The following CTCF variants were observed in gnomAD, a reference collection of about 807,000 sequenced individuals.
CTCF encodes CCCTC-binding factor.
A neutral mutation model predicts 72.3 loss-of-function variants in CTCF; 7 were observed. The ratio of observed to expected loss-of-function variants is 0.10; its 90% CI spans 0.06 to 0.18. CTCF has a LOEUF of 0.18. Among genes scored for constraint, CTCF ranks in the 10% least tolerant of loss-of-function variants. The pLI is 1.00. For missense variants in CTCF, 516 were observed against 949.1 expected (o/e 0.54, Z 6.00); for synonymous variants, 374 against 315.8 (o/e 1.18, Z -1.95).
chr16:67,579,651 C>G (rs957442290), intron 2 of CTCF, among the ~76,000 whole-genome samples: 1 of 152,184 alleles, frequency 6.6e-6, no homozygotes, highest in Non-Finnish European at 1.5e-5. Context: ...CCCAGGCTTC[C>G]TGAAGTGCTG....
chr16:67,605,889 A>G (rs981343145), intron 2 of CTCF, among the ~76,000 whole-genome samples: 7 of 152,188 alleles, frequency 4.6e-5, no homozygotes, highest in Non-Finnish European at 8.8e-5. Context: ...GGAGAGTGCT[A>G]GAGGGCAAGA....
In CTCF at chr16:67,590,901, C is replaced by G. The variant is rs568561105; in HGVS notation, c.-10+19637C>G. Among the ~76,000 whole-genome samples the G allele has an allele frequency of 2.2e-4, 30 of 138,728 alleles. 1 individual carries two copies. The Admixed American group carries it at 2.3e-3, about 10-fold the overall frequency. The allele number at this position is 138,728 out of a possible 152,430, so 91.0% of individuals were successfully genotyped here. A position where few individuals can be genotyped will look rare whatever the true frequency, so the allele number is the denominator to read the frequency against. On this transcript the variant is annotated intron_variant, in intron 2 of 11. Coordinates refer to ENST00000264010, the MANE Select transcript of CTCF (RefSeq NM_006565.4). ...GCTTGAACCCGGGAGGTGGAGGTTGCAGTAAGCTGAGATGGCACCATTGCA... is the reference window on the plus strand; with the variant it reads ...GCTTGAACCCGGGAGGTGGAGGTTGGAGTAAGCTGAGATGGCACCATTGCA...
intron 2 of CTCF, among the ~76,000 whole-genome samples, chr16:67,600,787 G>T (rs764193756): frequency 6.6e-6 from 1 of 152,012 alleles, no homozygotes; most frequent in Non-Finnish European, 1.5e-5. Flanking sequence ...CTGAATAGCT[G>T]AGAAAACAGC....
At chr16:67,593,916 A>T (rs2051778348) in intron 2 of CTCF, among the ~76,000 whole-genome samples, 1 of 152,202 alleles carries the variant, frequency 6.6e-6, no homozygotes, top group African/African-American at 2.4e-5. Flanking sequence ...TGGTGAGTAT[A>T]AAAGGTTGTT....
intron 2 of CTCF, among the ~76,000 whole-genome samples, chr16:67,584,337 CTTTTTTT>C (rs904086024): frequency 1.9e-5 from 2 of 105,836 alleles, no homozygotes; most frequent in South Asian, 3.3e-4. Context: ...AAAAAGTCTT[CTTTTTTT>C]TTTTTTTTTT....
intron 2 of CTCF, among the ~76,000 whole-genome samples, chr16:67,603,513 A>G (rs2051925890): frequency 1.3e-5 from 2 of 150,696 alleles, no homozygotes; most frequent in Non-Finnish European, 3.0e-5. Context: ...AGCCTGGGCG[A>G]CAGAGGGAGA....
chr16:67,626,983 G>A (rs867098097), intron 8 of CTCF: 1 of 292,790 alleles, frequency 3.4e-6, no homozygotes, highest in African/African-American at 2.2e-5. Flanking sequence ...CTTGAGAGAG[G>A]GGAAGAATCT....
intron 10 of CTCF, 104 bp downstream of exon 10, chr16:67,629,637 T>A: frequency 2.7e-6 from 3 of 1,112,146 alleles, no homozygotes; most frequent in South Asian, 4.1e-5. Flanking sequence ...GGGCACACAC[T>A]CTTCCTTTCT....
chr16:67,570,455 G>GTT (rs560197054), intron 1 of CTCF, among the ~76,000 whole-genome samples: 26 of 120,788 alleles, frequency 2.2e-4, no homozygotes, highest in South Asian at 7.9e-4. Flanking sequence ...GTTTTGTTTT[G>GTT]TTTTTTTTTT....
intron 2 of CTCF, among the ~76,000 whole-genome samples, chr16:67,604,766 C>CTTTTTT (rs2051950247): frequency 1.9e-5 from 2 of 104,588 alleles, no homozygotes; most frequent in South Asian, 2.9e-4. Flanking sequence ...TTTTTTTTTA[C>CTTTTTT]TTTTTAATAT....
At chr16:67,603,674 A>C (rs1194510707) in intron 2 of CTCF, among the ~76,000 whole-genome samples, 1 of 151,598 alleles carries the variant, frequency 6.6e-6, no homozygotes, top group Non-Finnish European at 1.5e-5. Flanking sequence ...AAGTACAAAA[A>C]ATTAGCCGGG....
chr16:67,595,898 G>A (rs2142776125), intron 2 of CTCF, among the ~76,000 whole-genome samples: 1 of 152,130 alleles, frequency 6.6e-6, no homozygotes, highest in East Asian at 1.9e-4. Context: ...AATTGTGCTA[G>A]TTTCACTGCA....
At chr16:67,584,069 C>T (rs1382692323) in intron 2 of CTCF, among the ~76,000 whole-genome samples, 4 of 152,004 alleles carry the variant, frequency 2.6e-5, no homozygotes, top group Non-Finnish European at 4.4e-5. Flanking sequence ...TGTGTGCAGT[C>T]GTTTAAAAAT....
intron 4 of CTCF, among the ~76,000 whole-genome samples, chr16:67,613,239 A>G (rs372868412): frequency 1.3e-5 from 2 of 152,216 alleles, no homozygotes; most frequent in Admixed American, 1.3e-4. Flanking sequence ...TTCATGCAGA[A>G]TAACTTCATT....
At chr16:67,570,442 A>G in intron 1 of CTCF, among the ~76,000 whole-genome samples, 1 of 144,438 alleles carries the variant, frequency 6.9e-6, no homozygotes, top group East Asian at 2.1e-4. Flanking sequence ...ATTGCAGTGG[A>G]GTGTTTTGTT....
At position 67,562,679 on chromosome 16, in the gene CTCF, C is replaced by A; in HGVS notation, c.-172C>A. On this transcript the variant is annotated 5_prime_UTR_variant, in exon 1 of 12. Coordinates refer to ENST00000264010, the MANE Select transcript of CTCF (RefSeq NM_006565.4). ...GCCGGAGACGCCGGGTGGCCGGAGCCGTGGAGCGGCGGCGGAGCGGGCGCC... is the reference window on the plus strand; with the variant it reads ...GCCGGAGACGCCGGGTGGCCGGAGCAGTGGAGCGGCGGCGGAGCGGGCGCC... 6.6e-6 allele frequency: 1 copy of A among 152,032 alleles called. No individual in the cohort carries two copies. Among genetic ancestry groups the A allele is most frequent in the South Asian group, 1.8e-4 (1 of 5,528 alleles). The allele number at this position is 152,032 out of a possible 1,614,324, so 9.4% of individuals were successfully genotyped here.
At chr16:67,577,950 C>T (rs931715205) in intron 2 of CTCF, among the ~76,000 whole-genome samples, 6 of 152,132 alleles carry the variant, frequency 3.9e-5, no homozygotes, top group Admixed American at 3.9e-4. Flanking sequence ...TGTTTAGTTT[C>T]ATTCTTTGGA....
At chr16:67,575,246 C>G (rs919440913) in intron 2 of CTCF, among the ~76,000 whole-genome samples, 3 of 152,116 alleles carry the variant, frequency 2.0e-5, no homozygotes, top group Non-Finnish European at 4.4e-5. Flanking sequence ...GAGTAAGACC[C>G]TGTCTCAATA....
intron 2 of CTCF, among the ~76,000 whole-genome samples, chr16:67,573,257 C>T (rs1365988026): frequency 8.7e-5 from 13 of 149,584 alleles, no homozygotes. Context: ...AAAAAAACAA[C>T]AAAAAAAACC....
Sources: allele counts gnomAD v4.1 joint callset (sites outside exome capture counted in the v4.1 genomes callset), GRCh38; gene constraint gnomAD v4.1.1; transcripts MANE v1.5; gene names NCBI Gene and HGNC (gene_info 2026-07-23, HGNC 2026-07-21).